Variants in ZC2HC1A observed in about 807,000 individuals in gnomAD.
ZC2HC1A encodes the protein zinc finger C2HC domain-containing protein 1A.
In ZC2HC1A, 28 loss-of-function variants were observed where a neutral mutation model predicts 40.7. The ratio of observed to expected loss-of-function variants is 0.69; its 90% CI spans 0.51 to 0.94. The LOEUF is 0.94. ZC2HC1A is among the 40% of genes least tolerant of loss of function. The pLI is 0.00. For missense variants in ZC2HC1A, 389 were observed against 386.3 expected (o/e 1.01, Z -0.06); for synonymous variants, 129 against 129.2 (o/e 1.00, Z 0.01).
rs557741012 is a variant in ZC2HC1A, at chr8:78,705,074, G to T, written c.704+6561G>T. 9.2e-5 allele frequency among the ~76,000 whole-genome samples: 14 copies of T among 152,266 alleles called. No homozygotes were observed. In the East Asian group the frequency reaches 2.7e-3, roughly 29 times the overall value. On this transcript the variant is annotated intron_variant, in intron 7 of 8. Transcript: ENST00000263849. Reference sequence around the variant, plus strand: ...CTTTAGCTCAGTGAACTTCGTTCCTGTCCGTATCCTGAATTCTGCTTCTTT... The same window carrying T: ...CTTTAGCTCAGTGAACTTCGTTCCTTTCCGTATCCTGAATTCTGCTTCTTT...
intron 6 of ZC2HC1A, among the ~76,000 whole-genome samples, chr8:78,697,765 G>A (rs952087525): frequency 6.0e-5 from 9 of 149,172 alleles, no homozygotes; most frequent in Non-Finnish European, 1.2e-4. Context: ...TGCAACCTTC[G>A]CCTCCCAGGT....
At chr8:78,675,674 C>A in intron 1 of ZC2HC1A, 113 bp from the exon 2 acceptor site, 1 of 985,116 alleles carries the variant, frequency 1.0e-6, no homozygotes. Flanking sequence ...TGCAGTAAAA[C>A]ATTTTTCACA....
intron 4 of ZC2HC1A, among the ~76,000 whole-genome samples, chr8:78,687,185 A>C (rs1057176077): frequency 6.6e-6 from 1 of 152,056 alleles, no homozygotes; most frequent in Non-Finnish European, 1.5e-5. Flanking sequence ...CGAAAAACTT[A>C]AAGTGACAAA....
At chr8:78,674,497 G>A (rs1285403490) in intron 1 of ZC2HC1A, among the ~76,000 whole-genome samples, 1 of 152,100 alleles carries the variant, frequency 6.6e-6, no homozygotes, top group Non-Finnish European at 1.5e-5. Context: ...GATTGTTAGT[G>A]GACTTAAGTG....
intron 3 of ZC2HC1A, among the ~76,000 whole-genome samples, chr8:78,684,785 G>C (rs12679332): frequency 0.013 from 2,043 of 151,976 alleles, 26 homozygotes; most frequent in South Asian, 0.031. Flanking sequence ...GAAATATTTA[G>C]GAATAAGCTT....
chr8:78,711,898 T>C (rs1810960747), intron 7 of ZC2HC1A: 1 of 692,126 alleles, frequency 1.4e-6, no homozygotes, highest in Admixed American at 2.7e-5. Context: ...GGAGTAGATA[T>C]CTGATGAACC....
chr8:78,708,374 C>T (rs192309245), intron 7 of ZC2HC1A, among the ~76,000 whole-genome samples: 202 of 152,024 alleles, frequency 1.3e-3, no homozygotes, highest in African/African-American at 4.7e-3. Context: ...TGGTTGTTTG[C>T]TTCTAGACAG....
intron 7 of ZC2HC1A, among the ~76,000 whole-genome samples, chr8:78,702,067 C>T (rs749428463): frequency 1.3e-5 from 2 of 152,070 alleles, no homozygotes; most frequent in Non-Finnish European, 2.9e-5. Flanking sequence ...CTTTGTGCAT[C>T]TAGTAGAATT....
At chr8:78,694,441 A>G (rs149726489) in intron 5 of ZC2HC1A, among the ~76,000 whole-genome samples, 12 of 152,232 alleles carry the variant, frequency 7.9e-5, no homozygotes, top group East Asian at 1.9e-4. Context: ...TTAGGTATCT[A>G]TGAGTCTTAT....
At chr8:78,676,772 T>C (rs1191510192) in intron 2 of ZC2HC1A, among the ~76,000 whole-genome samples, 1 of 152,032 alleles carries the variant, frequency 6.6e-6, no homozygotes, top group Non-Finnish European at 1.5e-5. Context: ...ATTTTTTTCT[T>C]ATCAATTTAT....
At chr8:78,687,483 A>T (rs1463079011) in intron 4 of ZC2HC1A, among the ~76,000 whole-genome samples, 1 of 145,196 alleles carries the variant, frequency 6.9e-6, no homozygotes, top group East Asian at 2.0e-4. Flanking sequence ...TTTATATATA[A>T]TTATATATGT....
At position 78,716,390 on chromosome 8, in the gene ZC2HC1A, T is replaced by C. The variant is rs545268310; in HGVS notation, c.813-938T>C. On this transcript the variant is annotated intron_variant, in intron 8 of 8. Transcript: ENST00000263849. ...CACCCACCTTGGCCTCCCAAAGTGC[T>C]GGGATTACAGGTGTGAGCCACCGCA... is the stretch of plus-strand genomic sequence containing the variant. 1.8e-3 allele frequency among the ~76,000 whole-genome samples: 267 copies of C among 152,240 alleles called. 1 individual carries two copies. The highest frequency in any genetic ancestry group is 6.1e-3 in the African/African-American group (255 of 41,562).
Position 78,697,424 on chromosome 8 carries a change from T to A in ZC2HC1A, c.522T>A (p.Leu174=), listed in dbSNP as rs748867265. The A allele has an allele frequency of 1.9e-6, 3 of 1,600,286 alleles. No homozygotes were observed. The South Asian group carries it at 3.4e-5, about 18-fold the overall frequency. ...SRTQVYKPPA[L]KKSNSPGTAS... Reference sequence around the variant, plus strand: ...TATTTTAGTATAAGCCACCCGCACTTAAAAAGTCAAATTCTCCTGGAACTG... The same window carrying A: ...TATTTTAGTATAAGCCACCCGCACTAAAAAAGTCAAATTCTCCTGGAACTG... The change falls in exon 6 of 9, where the codon CTT becomes CTA. Residue 174 remains leucine, a synonymous_variant. Transcript: ENST00000263849.
At chr8:78,693,244 C>T (rs1172416489) in intron 5 of ZC2HC1A, among the ~76,000 whole-genome samples, 10 of 152,000 alleles carry the variant, frequency 6.6e-5, no homozygotes, top group Non-Finnish European at 1.3e-4. Context: ...TGGGTATATA[C>T]CCAGTAATGG....
In ZC2HC1A at chr8:78,718,045, AAG is replaced by A. The variant is rs1311694975; in HGVS notation, c.*556_*557del. ...AATTATTTCATAAATCCGAAAAACT[AAG>A]AGAAAAAAAAACCCCTCTATTAGTT... On this transcript the variant is annotated 3_prime_UTR_variant, in exon 9 of 9. Coordinates refer to ENST00000263849, the MANE Select transcript of ZC2HC1A (RefSeq NM_016010.3). 3 of 152,042 alleles carry A rather than the reference AAG, an allele frequency of 2.0e-5. No individual in the cohort carries two copies. The highest frequency in any genetic ancestry group is 4.4e-5 in the Non-Finnish European group (3 of 67,916). The allele number at this position is 152,042 out of a possible 1,614,324, so 9.4% of individuals were successfully genotyped here.
At chr8:78,677,863 TAGACAGAGCAGCCCTGAAGGCTG>T (rs1809633065) in intron 2 of ZC2HC1A, among the ~76,000 whole-genome samples, 2 of 152,186 alleles carry the variant, frequency 1.3e-5, no homozygotes, top group Non-Finnish European at 2.9e-5. Context: ...GGGTACTCCA[TAGACAGAGCAGCCCTGAAGGCTG>T]CTGGTTGCCC....
At chr8:78,687,281 C>A (rs997176551) in intron 4 of ZC2HC1A, among the ~76,000 whole-genome samples, 1 of 151,572 alleles carries the variant, frequency 6.6e-6, no homozygotes, top group African/African-American at 2.4e-5. Flanking sequence ...TGTTAGTACT[C>A]TAGATTGGGA....
At chr8:78,679,742 A>T (rs544417727) in intron 3 of ZC2HC1A, among the ~76,000 whole-genome samples, 41 of 152,328 alleles carry the variant, frequency 2.7e-4, no homozygotes, top group South Asian at 2.5e-3. Context: ...CCAGTGGTAT[A>T]AGAACATTTT....
chr8:78,682,878 C>A (rs765360019), intron 3 of ZC2HC1A, among the ~76,000 whole-genome samples: 1 of 152,184 alleles, frequency 6.6e-6, no homozygotes, highest in African/African-American at 2.4e-5. Context: ...GGTAAATACA[C>A]CCATTCTAAA....
Sources: gnomAD v4.1 joint callset for allele counts (sites outside exome capture counted in the v4.1 genomes callset) on GRCh38, gnomAD v4.1.1 for gene constraint, MANE v1.5 for transcripts, NCBI Gene and HGNC (gene_info 2026-07-23, HGNC 2026-07-21) for gene names.